C8orf76: variants seen among roughly 807,000 people sequenced by gnomAD.
C8orf76 encodes the protein chromosome 8 open reading frame 76.
A neutral mutation model predicts 38.1 loss-of-function variants in C8orf76; 46 were observed. The ratio of observed to expected loss-of-function variants is 1.21; its 90% CI spans 0.95 to 1.54. The LOEUF (loss-of-function observed/expected upper bound fraction) is 1.54. C8orf76 is among the 40% of genes most tolerant of loss of function. C8orf76 has a pLI of 0.00. For synonymous variants in C8orf76, 166 were observed against 167.5 expected, an observed-to-expected ratio of 0.99 and a Z score of 0.07; for missense variants, 461 against 441.6, an observed-to-expected ratio of 1.04 and a Z score of -0.39.
chr8:123,234,186 C>G (rs1825378112), intron 3 of C8orf76, among the ~76,000 whole-genome samples: 1 of 152,140 alleles, frequency 6.6e-6, no homozygotes, highest in Non-Finnish European at 1.5e-5. Context: ...ATCCTCCTGA[C>G]AGTGCTTTAA....
intron 3 of C8orf76, among the ~76,000 whole-genome samples, chr8:123,232,718 A>G (rs1021082493): frequency 7.9e-5 from 12 of 152,246 alleles, no homozygotes; most frequent in Non-Finnish European, 1.5e-4. Flanking sequence ...ATAAAGCCCC[A>G]TACGACTGAT....
intron 5 of C8orf76, among the ~76,000 whole-genome samples, chr8:123,223,112 G>C (rs560415943): frequency 2.0e-5 from 3 of 152,120 alleles, no homozygotes; most frequent in African/African-American, 7.2e-5. Flanking sequence ...ATTATAGTTT[G>C]TCCAAAAATT....
At position 123,231,415 on chromosome 8, in the gene C8orf76, T is replaced by C; in HGVS notation, c.700A>G (p.Asn234Asp). The change falls in exon 4 of 6, where the codon AAT becomes GAT. Residue 234 changes from asparagine to aspartate, a missense_variant. Asn to Asp is a conservative substitution (Grantham distance 23). Transcript: ENST00000276704. ...SLFSVEANSS[N>D]SQKNEKALTN... ...AGAGCTTTCTCATTTTTCTGGCTAT[T>C]ACTGCTATTCGCTTCCACAGAAAAT... 1 of 1,614,244 alleles carries C rather than the reference T, an allele frequency of 6.2e-7. No homozygotes were observed. Among genetic ancestry groups the C allele is most frequent in the South Asian group, 1.1e-5 (1 of 91,090 alleles).
chr8:123,232,357 C>T (rs552451670), intron 3 of C8orf76, among the ~76,000 whole-genome samples: 3 of 152,332 alleles, frequency 2.0e-5, no homozygotes, highest in African/African-American at 7.2e-5. Flanking sequence ...AAAGGGGTTG[C>T]TTAGTTTCCT....
rs1825592885 is a variant in C8orf76, at chr8:123,239,054, A to C, written c.208T>G (p.Tyr70Asp). ...CACCATATGTTGAATTCTACCTGAT[A>C]CTCTTGTCGTCTGTAGGCCAGGTCT... ...KGDLAYRRQE[Y>D]QKALQEYSSI... Residue 70 changes from tyrosine to aspartate, a missense_variant, in exon 2 of 6, where the codon TAT (tyrosine) becomes GAT (aspartate). Transcript: ENST00000276704. 1 of 1,613,768 alleles carries C rather than the reference A, an allele frequency of 6.2e-7. No individual in the cohort carries two copies. Among genetic ancestry groups the C allele is most frequent in the African/African-American group, 1.3e-5 (1 of 74,852 alleles).
intron 4 of C8orf76, among the ~76,000 whole-genome samples, chr8:123,229,274 G>A (rs1825155429): frequency 6.6e-6 from 1 of 152,182 alleles, no homozygotes; most frequent in Admixed American, 6.5e-5. Flanking sequence ...TCCAAATCCT[G>A]GCCCTGCACT....
intron 4 of C8orf76, among the ~76,000 whole-genome samples, chr8:123,230,743 C>A (rs1036143558): frequency 6.6e-6 from 1 of 151,936 alleles, no homozygotes; most frequent in Non-Finnish European, 1.5e-5. Context: ...CTCCGCCTCC[C>A]GGGTTCAGCG....
At chr8:123,224,381 G>C (rs780541733) in intron 5 of C8orf76, among the ~76,000 whole-genome samples, 1 of 152,162 alleles carries the variant, frequency 6.6e-6, no homozygotes, top group Non-Finnish European at 1.5e-5. Context: ...GGAGGCCAAG[G>C]CGGGACGATC....
chr8:123,241,292 C>T lies in C8orf76; in HGVS notation c.55G>A (p.Glu19Lys). 3.2e-6 allele frequency: 5 copies of T among 1,578,012 alleles called. No individual in the cohort carries two copies. The South Asian group carries it at 4.5e-5, about 14-fold the overall frequency. Residue 19 changes from glutamate (E) to lysine (K), a missense_variant, in exon 1 of 6, where the codon GAG becomes AAG. By Grantham distance (56) the Glu-to-Lys change is moderately conservative (BLOSUM62 1). Transcript: ENST00000276704. ...GGTCCTGACCGCCGCTCCGGCCTCT[C>T]CTCGAACACCGAGTCCTCGAACTCG... ...GGEFEDSVFE[E>K]RPERRSGPPA... is the part of the protein sequence containing the mutation.
chr8:123,226,669 T>C, intron 4 of C8orf76, 37 bp from the exon 5 acceptor site: 1 of 1,555,906 alleles, frequency 6.4e-7, no homozygotes, highest in Non-Finnish European at 8.6e-7. Flanking sequence ...TGGCGAAAAG[T>C]CCCAACGCTT....
At chr8:123,226,382 G>A (rs1257264083) in intron 5 of C8orf76, 118 bp downstream of exon 5, 1 of 1,514,430 alleles carries the variant, frequency 6.6e-7, no homozygotes, top group Non-Finnish European at 8.8e-7. Context: ...GGCACACAGA[G>A]GAGGGAGACA....
At position 123,237,961 on chromosome 8, in the gene C8orf76, T is replaced by G. The variant is rs1339720395; in HGVS notation, c.214-20A>C. Reference sequence around the variant, plus strand: ...TGCTTTCTGGAAATTATTTGTTAAATAAAGAAATGAAAGGAGGAAAACATA... The same window carrying G: ...TGCTTTCTGGAAATTATTTGTTAAAGAAAGAAATGAAAGGAGGAAAACATA... On this transcript the variant is annotated intron_variant, in intron 2 of 5. Coordinates refer to ENST00000276704, the MANE Select transcript of C8orf76 (RefSeq NM_032847.3). 2 of 1,598,586 alleles carry G rather than the reference T, an allele frequency of 1.3e-6. No individual in the cohort carries two copies. Among genetic ancestry groups the G allele is most frequent in the Non-Finnish European group, 1.7e-6 (2 of 1,173,760 alleles).
In C8orf76 at chr8:123,231,693, G is replaced by T; in HGVS notation, c.422C>A (p.Ser141Ter). Residue 141 changes from serine (S) to a stop codon, truncating the protein, a stop_gained, in exon 4 of 6, where the codon TCA becomes TAA. Transcript: ENST00000276704. LOFTEE classifies it high-confidence loss of function. ...TGTTTTCTCCAAGTTCTGCAAACTT[G>T]AACAAATAGCAAGCTGGAGGTAGAG... ...TVLYLQLAIC[S>*]SLQNLEKTIF... 1 of 1,613,566 alleles carries T rather than the reference G, an allele frequency of 6.2e-7. No homozygotes were observed. Among genetic ancestry groups the T allele is most frequent in the East Asian group, 2.2e-5 (1 of 44,886 alleles).
At position 123,231,806 on chromosome 8, in the gene C8orf76, C is replaced by A. The variant is rs1339616502; in HGVS notation, c.358-49G>T. Reference sequence around the variant, plus strand: ...AGAAGTTTAAACTTCAAAGCATTTTCCATATAAAATGAGAATGCCTAAAAA... The same window carrying A: ...AGAAGTTTAAACTTCAAAGCATTTTACATATAAAATGAGAATGCCTAAAAA... On this transcript the variant is annotated intron_variant, in intron 3 of 5. Coordinates refer to ENST00000276704, the MANE Select transcript of C8orf76 (RefSeq NM_032847.3). The A allele has an allele frequency of 4.0e-6, 6 of 1,511,660 alleles. No homozygotes were observed. In the African/African-American group the frequency reaches 7.0e-5, roughly 18 times the overall value. 93.6% of individuals were successfully genotyped at this position (1,511,660 alleles called of 1,614,324 possible). A position where few individuals can be genotyped will look rare whatever the true frequency, so the allele number is the denominator to read the frequency against.
intron 5 of C8orf76, among the ~76,000 whole-genome samples, chr8:123,221,637 T>C (rs958549814): frequency 2.6e-5 from 4 of 152,184 alleles, no homozygotes; most frequent in Admixed American, 6.5e-5. Context: ...GGTTTCATCA[T>C]GTTGGCCAGG....
At position 123,231,446 on chromosome 8, in the gene C8orf76, G is replaced by A. The variant is rs367616509; in HGVS notation, c.669C>T (p.Ser223=). 6.9e-5 allele frequency: 111 copies of A among 1,614,082 alleles called. No homozygotes were observed. Among genetic ancestry groups the A allele is most frequent in the Non-Finnish European group, 5.1e-6 (6 of 1,180,042 alleles). Residue 223 remains serine (S), a synonymous_variant, in exon 4 of 6, where the codon AGC becomes AGT. Coordinates refer to ENST00000276704, the MANE Select transcript of C8orf76 (RefSeq NM_032847.3). ...LLCFPETLPE[S]SLFSVEANSS... is the part of the protein sequence containing the mutation. ...TATTCGCTTCCACAGAAAATAAAGA[G>A]CTCTCAGGCAAGGTTTCAGGAAAAC...
intron 3 of C8orf76, among the ~76,000 whole-genome samples, chr8:123,236,346 T>A (rs964168252): frequency 1.3e-5 from 2 of 152,110 alleles, no homozygotes; most frequent in African/African-American, 4.8e-5. Flanking sequence ...AATTCCCATA[T>A]AAAATTTACA....
intron 3 of C8orf76, among the ~76,000 whole-genome samples, chr8:123,232,367 T>C (rs1353870145): frequency 6.6e-6 from 1 of 152,254 alleles, no homozygotes; most frequent in East Asian, 1.9e-4. Flanking sequence ...CTTAGTTTCC[T>C]TTTGATCAGA....
Position 123,241,354 on chromosome 8 carries a change from C to T in C8orf76, c.-8G>A. 1 of 1,551,722 alleles carries T rather than the reference C, an allele frequency of 6.4e-7. No homozygotes were observed. Among genetic ancestry groups the T allele is most frequent in the South Asian group, 1.2e-5 (1 of 84,284 alleles). On this transcript the variant is annotated 5_prime_UTR_variant, in exon 1 of 6. Transcript: ENST00000276704. ...CCAGCACCCGGAATCCATCTCGCGC[C>T]CGCGGCGGGGGCAACGAGGAAGCGG...
Sources: allele counts gnomAD v4.1 joint callset (sites outside exome capture counted in the v4.1 genomes callset), GRCh38; gene constraint gnomAD v4.1.1; transcripts MANE v1.5; gene names NCBI Gene and HGNC (gene_info 2026-07-23, HGNC 2026-07-21).